Variants in HMCN1 observed in about 807,000 individuals in gnomAD.
The protein encoded by HMCN1 is hemicentin 1, also known as hemicentin-1.
HMCN1 carries 321 observed loss-of-function variants against 625.9 expected under a neutral mutation model. The observed-to-expected ratio is 0.51, with a 90% CI of 0.47 to 0.56. The LOEUF (loss-of-function observed/expected upper bound fraction) is 0.56, where lower values mean the gene tolerates loss of function less well. Among genes scored for constraint, HMCN1 ranks in the 20% least tolerant of loss-of-function variants. HMCN1 has a pLI of 0.00. For missense variants in HMCN1, 6,588 were observed against 6,887.3 expected (o/e 0.96, Z 1.54); for synonymous variants, 2,425 against 2,417.6 (o/e 1.00, Z -0.09).
At position 186,075,420 on chromosome 1, in the gene HMCN1, CAACAT is replaced by C. The variant is rs1197358380; in HGVS notation, c.8290+534_8290+538del. ...AAATGTAAAAATAAAAACAAGCAAA[CAACAT>C]AACAAAACAGACTTGGAATTGAATG... is the stretch of plus-strand genomic sequence containing the variant. On this transcript the variant is annotated intron_variant, in intron 53 of 106. Coordinates refer to ENST00000271588, the MANE Select transcript of HMCN1 (RefSeq NM_031935.3). Among the ~76,000 whole-genome samples, 6 of 152,048 alleles carry C rather than the reference CAACAT, an allele frequency of 3.9e-5. No homozygotes were observed. The East Asian group carries it at 1.2e-3, about 29-fold the overall frequency.
rs1216395387 is a variant in HMCN1 at position 186,095,498 on chromosome 1, A to G, written c.10550A>G (p.Lys3517Arg). ...TCAAATGAAGCTGGAGAAGTCAGCAAGCACTTTATCCTCAAGGTCCTAGGT... is the reference window on the plus strand; with the variant it reads ...TCAAATGAAGCTGGAGAAGTCAGCAGGCACTTTATCCTCAAGGTCCTAGGT... ...IASNEAGEVS[K>R]HFILKVLEPP... The change falls in exon 68 of 107, where the codon AAG becomes AGG. Residue 3517 changes from lysine to arginine, a missense_variant. Lys to Arg is a conservative substitution (Grantham distance 26, BLOSUM62 2). Around this residue, in one of 3 missense-constraint regions of HMCN1, gnomAD observed 4,628 missense variants for 4,853.1 expected, o/e 0.95. Coordinates refer to ENST00000271588, the MANE Select transcript of HMCN1 (RefSeq NM_031935.3). 3 of 1,613,536 alleles carry G rather than the reference A, an allele frequency of 1.9e-6. No individual in the cohort carries two copies. In the South Asian group the frequency reaches 3.3e-5, roughly 18 times the overall value.
intron 1 of HMCN1, among the ~76,000 whole-genome samples, chr1:185,768,634 C>G (rs1009894034): frequency 1.3e-5 from 2 of 152,196 alleles, no homozygotes; most frequent in Admixed American, 1.3e-4. Flanking sequence ...TAATCACACA[C>G]TCTCAAAGTC....
intron 93 of HMCN1, among the ~76,000 whole-genome samples, chr1:186,149,313 C>T (rs181061734): frequency 6.6e-6 from 1 of 152,322 alleles, no homozygotes; most frequent in Non-Finnish European, 1.5e-5. Context: ...GACTTAGCTA[C>T]CTCTGGATAA....
chr1:186,101,172 A>T (rs1465980640), intron 68 of HMCN1, among the ~76,000 whole-genome samples: 1 of 152,242 alleles, frequency 6.6e-6, no homozygotes, highest in Middle Eastern at 3.4e-3. Context: ...AAGAAAAAAA[A>T]AACATTAAGT....
At chr1:186,076,754 C>A (rs905917253) in intron 54 of HMCN1, 132 bp downstream of exon 54, 3 of 813,844 alleles carry the variant, frequency 3.7e-6, no homozygotes, top group African/African-American at 1.7e-5. Context: ...CTGAATGCCA[C>A]TGGCATCCAC....
chr1:185,811,761 G>A (rs1659534785), intron 1 of HMCN1, among the ~76,000 whole-genome samples: 1 of 151,336 alleles, frequency 6.6e-6, no homozygotes. Context: ...TATATACATA[G>A]GCATGTGCCT....
chr1:186,038,305 T>G (rs970195621), intron 37 of HMCN1, among the ~76,000 whole-genome samples: 1 of 152,200 alleles, frequency 6.6e-6, no homozygotes, highest in African/African-American at 2.4e-5. Context: ...AAGGCCCACA[T>G]GGTGGTTTAT....
At chr1:186,182,311 T>C (rs1397339956) in intron 105 of HMCN1, 24 bp downstream of exon 105, 14 of 1,612,606 alleles carry the variant, frequency 8.7e-6, no homozygotes, top group Non-Finnish European at 1.2e-5. Context: ...GGGATGTTTA[T>C]TGTTGCAAAC....
intron 2 of HMCN1, among the ~76,000 whole-genome samples, chr1:185,856,433 G>A (rs1170685525): frequency 6.6e-6 from 1 of 150,924 alleles, no homozygotes; most frequent in Non-Finnish European, 1.5e-5. Context: ...GAGTTGCGGT[G>A]AGTGAGATCG....
At chr1:186,161,731 GA>G (rs2102606736) in intron 97 of HMCN1, among the ~76,000 whole-genome samples, 1 of 152,206 alleles carries the variant, frequency 6.6e-6, no homozygotes, top group South Asian at 2.1e-4. Context: ...TTTTCTTTAA[GA>G]ATGTTGAATA....
intron 29 of HMCN1, among the ~76,000 whole-genome samples, chr1:186,005,143 ATAAATGTTTATAAACAATTTTTT>A (rs1191573832): frequency 3.6e-4 from 54 of 150,002 alleles, no homozygotes; most frequent in African/African-American, 1.3e-3. Flanking sequence ...TTAATTGTTT[ATAAATGTTTATAAACAATTTTTT>A]AATTGTTTAT....
intron 43 of HMCN1, among the ~76,000 whole-genome samples, chr1:186,053,449 G>A (rs1303631062): frequency 6.6e-6 from 1 of 151,902 alleles, no homozygotes; most frequent in African/African-American, 2.4e-5. Flanking sequence ...CCAAACCTCA[G>A]CATCACACAA....
chr1:185,915,167 G>A (rs1666631873), intron 6 of HMCN1, among the ~76,000 whole-genome samples: 1 of 152,048 alleles, frequency 6.6e-6, no homozygotes, highest in African/African-American at 2.4e-5. Flanking sequence ...AATATTTTAG[G>A]TTTCCTCTGA....
chr1:185,820,801 A>G (rs529093372), intron 1 of HMCN1, among the ~76,000 whole-genome samples: 1 of 152,252 alleles, frequency 6.6e-6, no homozygotes, highest in African/African-American at 2.4e-5. Context: ...GTATAGCAAT[A>G]TTTTATGTCT....
intron 4 of HMCN1, among the ~76,000 whole-genome samples, chr1:185,890,693 TG>T (rs1263213394): frequency 3.2e-5 from 2 of 63,122 alleles, no homozygotes; most frequent in East Asian, 7.2e-4. Context: ...TTATAATTTC[TG>T]TTCTTTTACA....
intron 96 of HMCN1, 136 bp from the exon 97 acceptor site, chr1:186,153,614 G>A (rs1650805222): frequency 5.3e-6 from 4 of 758,098 alleles, no homozygotes; most frequent in South Asian, 2.9e-5. Context: ...CATATTAAAT[G>A]TTTACCATCA....
At position 185,902,405 on chromosome 1, in the gene HMCN1, C is replaced by A. The variant is rs796423937; in HGVS notation, c.622-6932C>A. ...TCTATCTATCTATCTATCTATCTATCTCTATCTATCTATCTATCTATCTAT... is the reference window on the plus strand; with the variant it reads ...TCTATCTATCTATCTATCTATCTATATCTATCTATCTATCTATCTATCTAT... On this transcript the variant is annotated intron_variant, in intron 4 of 106. Coordinates refer to ENST00000271588, the MANE Select transcript of HMCN1 (RefSeq NM_031935.3). Among the ~76,000 whole-genome samples the A allele has an allele frequency of 5.2e-3, 754 of 145,430 alleles. 4 individuals carry two copies. The highest frequency in any genetic ancestry group is 0.016 in the African/African-American group (613 of 38,580).
At position 185,928,342 on chromosome 1, in the gene HMCN1, C is replaced by A. The variant is rs561819802; in HGVS notation, c.1431-204C>A. Among the ~76,000 whole-genome samples, 5 of 152,034 alleles carry A rather than the reference C, an allele frequency of 3.3e-5. No individual in the cohort carries two copies. In the East Asian group the frequency reaches 9.7e-4, roughly 29 times the overall value. ...TCTATAATTATTGTTTATGTTGTGTCTTTTGCTCAGAGTAGAAAAGCCTCA... is the reference window on the plus strand; with the variant it reads ...TCTATAATTATTGTTTATGTTGTGTATTTTGCTCAGAGTAGAAAAGCCTCA... On this transcript the variant is annotated intron_variant, in intron 9 of 106. Coordinates refer to ENST00000271588, the MANE Select transcript of HMCN1 (RefSeq NM_031935.3).
chr1:186,054,133 A>G lies in HMCN1; in HGVS notation c.6862+147A>G, dbSNP rs368585489. ...ACACACACATTTAAATTGTGCTGAC[A>G]TAACTGGAGAGCAATTACTTCCTTC... On this transcript the variant is annotated intron_variant, in intron 44 of 106. Transcript: ENST00000271588. The G allele has an allele frequency of 8.2e-6, 7 of 851,804 alleles. No individual in the cohort carries two copies. In the East Asian group the frequency reaches 1.9e-4, roughly 23 times the overall value. 52.8% of individuals were successfully genotyped at this position (851,804 alleles called of 1,614,324 possible). A position where few individuals can be genotyped will look rare whatever the true frequency, so the allele number is the denominator to read the frequency against.
Sources: gnomAD v4.1 joint callset for allele counts (sites outside exome capture counted in the v4.1 genomes callset) on GRCh38, gnomAD v4.1.1 for gene constraint, gnomAD v4.1.1 regional missense constraint, MANE v1.5 for transcripts, NCBI Gene and HGNC (gene_info 2026-07-23, HGNC 2026-07-21) for gene names.